Variants in PRKG1 observed in about 807,000 individuals in gnomAD.
PRKG1 encodes cGMP-dependent protein kinase 1.
In PRKG1, 35 loss-of-function variants were observed where a neutral mutation model predicts 88.1. That is an observed-to-expected ratio of 0.40 (90% CI 0.30 to 0.53). PRKG1 has a LOEUF of 0.53. Among genes scored for constraint, PRKG1 ranks in the 20% least tolerant of loss-of-function variants. PRKG1 has a pLI of 0.59. For missense variants in PRKG1, 540 were observed against 839.8 expected (o/e 0.64, Z 4.41); for synonymous variants, 303 against 292.5 (o/e 1.04, Z -0.37).
chr10:51,409,970 G>A (rs1048916927), intron 2 of PRKG1, among the ~76,000 whole-genome samples: 1 of 151,398 alleles, frequency 6.6e-6, no homozygotes, highest in African/African-American at 2.4e-5. Context: ...GCTTCAGACA[G>A]CATCCCTATC....
intron 3 of PRKG1, among the ~76,000 whole-genome samples, chr10:51,583,867 C>A (rs1227796722): frequency 6.6e-6 from 1 of 151,998 alleles, no homozygotes; most frequent in African/African-American, 2.4e-5. Flanking sequence ...AATGGTATGG[C>A]ATATAGTATA....
intron 2 of PRKG1, among the ~76,000 whole-genome samples, chr10:51,262,762 AAG>A (rs542716519): frequency 1.3e-5 from 2 of 151,882 alleles, no homozygotes; most frequent in African/African-American, 2.4e-5. Flanking sequence ...GGCAACAGAA[AAG>A]AGAGAGAGAG....
chr10:51,416,469 A>G (rs1039152033), intron 2 of PRKG1, among the ~76,000 whole-genome samples: 9 of 152,226 alleles, frequency 5.9e-5, no homozygotes, highest in Admixed American at 3.3e-4. Context: ...AAGATCCGAA[A>G]TAGTGTCATG....
At chr10:51,690,096 G>A (rs1841098467) in intron 3 of PRKG1, among the ~76,000 whole-genome samples, 1 of 152,158 alleles carries the variant, frequency 6.6e-6, no homozygotes, top group Admixed American at 6.5e-5. Flanking sequence ...CAAAGGGAAA[G>A]GGGCAGCAGG....
At chr10:52,054,730 A>G (rs187698778) in intron 6 of PRKG1, among the ~76,000 whole-genome samples, 169 bp downstream of exon 6, 4 of 152,296 alleles carry the variant, frequency 2.6e-5, no homozygotes, top group African/African-American at 4.8e-5. Flanking sequence ...GAGGGAAAAA[A>G]AGATGTAACT....
intron 2 of PRKG1, among the ~76,000 whole-genome samples, chr10:51,372,600 A>G (rs1842726706): frequency 6.6e-6 from 1 of 152,200 alleles, no homozygotes; most frequent in Admixed American, 6.5e-5. Context: ...TGAAGGCTTC[A>G]ACATTTATCA....
At chr10:51,671,010 A>G (rs1297661653) in intron 3 of PRKG1, among the ~76,000 whole-genome samples, 3 of 151,816 alleles carry the variant, frequency 2.0e-5, no homozygotes, top group African/African-American at 4.8e-5. Flanking sequence ...ATTTTTACCT[A>G]TTTATTTTGT....
chr10:51,269,432 C>T (rs2132173678), intron 2 of PRKG1, among the ~76,000 whole-genome samples: 1 of 152,260 alleles, frequency 6.6e-6, no homozygotes, highest in South Asian at 2.1e-4. Context: ...TATAGCAGCA[C>T]AACTTGCAAT....
chr10:51,590,530 A>T (rs1010667927), intron 3 of PRKG1, among the ~76,000 whole-genome samples: 1 of 152,218 alleles, frequency 6.6e-6, no homozygotes, highest in Non-Finnish European at 1.5e-5. Context: ...GAAGAAAATT[A>T]TTCTGTCACC....
chr10:51,837,602 A>T (rs923592081), intron 4 of PRKG1, among the ~76,000 whole-genome samples: 1 of 152,002 alleles, frequency 6.6e-6, no homozygotes, highest in African/African-American at 2.4e-5. Context: ...TTGATTCTTC[A>T]TCTACTCTGG....
intron 4 of PRKG1, among the ~76,000 whole-genome samples, chr10:51,889,955 T>G (rs180940788): frequency 4.6e-5 from 7 of 152,212 alleles, no homozygotes; most frequent in Admixed American, 4.6e-4. Context: ...ATTCTGGATA[T>G]TAGCCCTTTG....
At chr10:52,116,541 A>G (rs900140640) in intron 7 of PRKG1, among the ~76,000 whole-genome samples, 3 of 151,926 alleles carry the variant, frequency 2.0e-5, no homozygotes, top group African/African-American at 7.3e-5. Flanking sequence ...ACTTCGAAAG[A>G]ATGTTTTTCT....
intron 2 of PRKG1, among the ~76,000 whole-genome samples, chr10:51,248,237 A>G (rs1839342868): frequency 1.3e-5 from 2 of 151,908 alleles, no homozygotes; most frequent in South Asian, 2.1e-4. Context: ...TCTCTGCTCA[A>G]TGTAGTATGA....
chr10:52,161,710 TAG>T (rs759909961), intron 8 of PRKG1, among the ~76,000 whole-genome samples, 177 bp from the exon 9 acceptor site: 4 of 152,260 alleles, frequency 2.6e-5, no homozygotes, highest in East Asian at 1.9e-4. Flanking sequence ...GGTAATTTCA[TAG>T]AGTTTATATT....
At chr10:51,059,305 T>C (rs1041674119) in intron 1 of PRKG1, among the ~76,000 whole-genome samples, 3 of 152,250 alleles carry the variant, frequency 2.0e-5, no homozygotes, top group African/African-American at 7.2e-5. Flanking sequence ...CCATTAATTA[T>C]GAGTTTTTGG....
intron 3 of PRKG1, among the ~76,000 whole-genome samples, chr10:51,662,366 T>A (rs1840321394): frequency 6.6e-6 from 1 of 152,154 alleles, no homozygotes; most frequent in African/African-American, 2.4e-5. Context: ...AGTATCTTTT[T>A]CTTGAGGATA....
In PRKG1 at chr10:51,547,499, G is replaced by T. The variant is rs181841560; in HGVS notation, c.592+79663G>T. 3.9e-3 allele frequency among the ~76,000 whole-genome samples: 596 copies of T among 152,218 alleles called. 4 individuals are homozygous for T. Among genetic ancestry groups the T allele is most frequent in the Non-Finnish European group, 6.6e-3 (452 of 67,986 alleles). ...AGAGGCTGTCCTTATGGAACATATAGTATAGCCAATTAGAAGAATTACATT... is the reference window on the plus strand; with the variant it reads ...AGAGGCTGTCCTTATGGAACATATATTATAGCCAATTAGAAGAATTACATT... On this transcript the variant is annotated intron_variant, in intron 3 of 17. Coordinates refer to ENST00000373980, the MANE Select transcript of PRKG1 (RefSeq NM_006258.4).
At chr10:51,474,460 G>A (rs1257750662) in intron 3 of PRKG1, among the ~76,000 whole-genome samples, 1 of 151,914 alleles carries the variant, frequency 6.6e-6, no homozygotes, top group Non-Finnish European at 1.5e-5. Context: ...GATGAATTCT[G>A]TAACATAATG....
intron 2 of PRKG1, among the ~76,000 whole-genome samples, chr10:51,347,322 G>T (rs1317433009): frequency 1.3e-5 from 2 of 152,154 alleles, no homozygotes; most frequent in African/African-American, 2.4e-5. Context: ...AATACAATTA[G>T]CATTCTTTTA....
Sources: allele counts gnomAD v4.1 joint callset (sites outside exome capture counted in the v4.1 genomes callset), GRCh38; gene constraint gnomAD v4.1.1; transcripts MANE v1.5; gene names NCBI Gene and HGNC (gene_info 2026-07-23, HGNC 2026-07-21).